Variants in ADAMTSL1 observed in about 807,000 individuals in gnomAD.
The protein encoded by ADAMTSL1 is ADAMTS like 1, also known as ADAMTS-like protein 1.
In ADAMTSL1, 126 loss-of-function variants were observed where a neutral mutation model predicts 201.8. That is an observed-to-expected ratio of 0.62 (90% CI 0.54 to 0.72). The LOEUF (loss-of-function observed/expected upper bound fraction) is 0.72. Among genes scored for constraint, ADAMTSL1 ranks in the 30% least tolerant of loss-of-function variants. The pLI is 0.00. For missense variants in ADAMTSL1, 2,679 were observed against 2,277.8 expected (o/e 1.18, Z -3.59); for synonymous variants, 1,121 against 903.4 (o/e 1.24, Z -4.32).
chr9:18,439,863 T>A (rs1819921196), intron 2 of ADAMTSL1, among the ~76,000 whole-genome samples: 1 of 152,160 alleles, frequency 6.6e-6, no homozygotes. Flanking sequence ...AAAGGATAAT[T>A]TGTGTGTCCA....
At chr9:18,315,830 A>C (rs2132823691) in intron 2 of ADAMTSL1, among the ~76,000 whole-genome samples, 1 of 152,334 alleles carries the variant, frequency 6.6e-6, no homozygotes, top group African/African-American at 2.4e-5. Context: ...GTGGACACCA[A>C]GGCCAAGGAG....
At chr9:18,166,314 G>A (rs1827629178) in intron 2 of ADAMTSL1, among the ~76,000 whole-genome samples, 1 of 151,796 alleles carries the variant, frequency 6.6e-6, no homozygotes, top group African/African-American at 2.4e-5. Flanking sequence ...AATAGTCGTG[G>A]TGAGAAAACC....
At chr9:18,255,946 T>A (rs1831666953) in intron 2 of ADAMTSL1, among the ~76,000 whole-genome samples, 1 of 152,244 alleles carries the variant, frequency 6.6e-6, no homozygotes, top group Admixed American at 6.5e-5. Flanking sequence ...CATATGCAAC[T>A]GACTTTCGCC....
chr9:18,762,632 T>TC (rs1054916883), intron 16 of ADAMTSL1, among the ~76,000 whole-genome samples: 40 of 147,388 alleles, frequency 2.7e-4, no homozygotes, highest in African/African-American at 9.4e-4. Flanking sequence ...CATCCCACCC[T>TC]CCCCCTCAGC....
intron 1 of ADAMTSL1, among the ~76,000 whole-genome samples, chr9:18,085,595 CGT>C (rs1823727810): frequency 2.2e-5 from 3 of 137,590 alleles, no homozygotes; most frequent in African/African-American, 5.6e-5. Flanking sequence ...TGTGTGTATA[CGT>C]ATATACACTG....
intron 2 of ADAMTSL1, among the ~76,000 whole-genome samples, chr9:18,193,489 GCT>G (rs1359812196): frequency 1.3e-5 from 2 of 151,736 alleles, no homozygotes; most frequent in Non-Finnish European, 2.9e-5. Flanking sequence ...TCCTCTTCTG[GCT>G]CTCTCTCTCT....
intron 2 of ADAMTSL1, among the ~76,000 whole-genome samples, chr9:18,521,859 G>A (rs1818715362): frequency 6.6e-6 from 1 of 152,122 alleles, no homozygotes; most frequent in African/African-American, 2.4e-5. Context: ...TAGAATATGG[G>A]ACTTGTGAAA....
intron 2 of ADAMTSL1, among the ~76,000 whole-genome samples, chr9:18,211,977 T>C (rs1205795382): frequency 6.6e-6 from 1 of 152,176 alleles, no homozygotes; most frequent in Non-Finnish European, 1.5e-5. Context: ...TGATTTTGAC[T>C]TAGTATGCCA....
At chr9:17,953,573 A>G (rs1827818524) in intron 1 of ADAMTSL1, among the ~76,000 whole-genome samples, 1 of 152,196 alleles carries the variant, frequency 6.6e-6, no homozygotes, top group Admixed American at 6.5e-5. Context: ...AATGCCAATC[A>G]CTATGGGACT....
intron 13 of ADAMTSL1, among the ~76,000 whole-genome samples, chr9:18,700,697 T>G (rs1001431310): frequency 1.2e-4 from 18 of 152,188 alleles, no homozygotes; most frequent in Non-Finnish European, 2.6e-4. Context: ...GTATGTAAAT[T>G]TTTTGGTCCT....
intron 1 of ADAMTSL1, among the ~76,000 whole-genome samples, chr9:18,105,016 T>C (rs1028120560): frequency 5.9e-5 from 9 of 151,998 alleles, no homozygotes; most frequent in African/African-American, 2.2e-4. Flanking sequence ...GTCAAGGCCG[T>C]ATGTATAAAT....
chr9:18,129,575 G>A (rs995396694), intron 1 of ADAMTSL1, among the ~76,000 whole-genome samples: 1 of 151,906 alleles, frequency 6.6e-6, no homozygotes, highest in African/African-American at 2.4e-5. Context: ...ATGCAATGTG[G>A]GCCCATAAGC....
chr9:18,368,937 G>A (rs2133117029), intron 2 of ADAMTSL1, among the ~76,000 whole-genome samples: 1 of 152,284 alleles, frequency 6.6e-6, no homozygotes, highest in South Asian at 2.1e-4. Flanking sequence ...ACTGATATGT[G>A]TTCTTTATAC....
At chr9:18,002,893 G>A (rs1239705520) in intron 1 of ADAMTSL1, among the ~76,000 whole-genome samples, 1 of 152,004 alleles carries the variant, frequency 6.6e-6, no homozygotes, top group African/African-American at 2.4e-5. Flanking sequence ...AAGATCCTTT[G>A]TATGTCCAAA....
At chr9:18,642,872 T>C (rs1194347738) in intron 7 of ADAMTSL1, among the ~76,000 whole-genome samples, 1 of 152,110 alleles carries the variant, frequency 6.6e-6, no homozygotes, top group African/African-American at 2.4e-5. Flanking sequence ...CTGTTGTGAC[T>C]AGTGCTGCAG....
chr9:18,427,125 T>C (rs1819259981), intron 2 of ADAMTSL1, among the ~76,000 whole-genome samples: 1 of 152,248 alleles, frequency 6.6e-6, no homozygotes, highest in Non-Finnish European at 1.5e-5. Context: ...TCTAATCATC[T>C]AAGACAAATC....
intron 5 of ADAMTSL1, among the ~76,000 whole-genome samples, chr9:18,625,022 C>G (rs1826267091): frequency 6.6e-6 from 1 of 152,222 alleles, no homozygotes; most frequent in African/African-American, 2.4e-5. Flanking sequence ...TTATGTTTCT[C>G]TACTCTGGAA....
At chr9:18,638,623 T>C (rs1025836347) in intron 6 of ADAMTSL1, among the ~76,000 whole-genome samples, 1 of 152,114 alleles carries the variant, frequency 6.6e-6, no homozygotes, top group African/African-American at 2.4e-5. Flanking sequence ...TTTTTTTCTA[T>C]CTCAAGCAGT....
At chr9:18,319,014 G>C (rs1412707374) in intron 2 of ADAMTSL1, among the ~76,000 whole-genome samples, 1 of 152,160 alleles carries the variant, frequency 6.6e-6, no homozygotes, top group Non-Finnish European at 1.5e-5. Context: ...TTTGAGACTA[G>C]CCTGGGCAAT....
Sources: gnomAD v4.1 joint callset for allele counts (sites outside exome capture counted in the v4.1 genomes callset) on GRCh38, gnomAD v4.1.1 for gene constraint, MANE v1.5 for transcripts, NCBI Gene and HGNC (gene_info 2026-07-23, HGNC 2026-07-21) for gene names.